TAFA1: variants seen among roughly 807,000 people sequenced by gnomAD.
The protein encoded by TAFA1 is chemokine-like protein TAFA-1.
Under a neutral mutation model 18.5 loss-of-function variants are expected in TAFA1, and 4 were observed. The observed-to-expected ratio is 0.22, with a 90% CI of 0.11 to 0.49. The LOEUF (loss-of-function observed/expected upper bound fraction) is 0.49. Among genes scored for constraint, TAFA1 ranks in the 20% least tolerant of loss-of-function variants. The probability of loss-of-function intolerance (pLI) is 0.98; values close to 1 mark genes in which losing one functional copy is unlikely to be tolerated. For missense variants in TAFA1, 147 were observed against 169.0 expected (o/e 0.87, Z 0.72); for synonymous variants, 56 against 55.2 (o/e 1.01, Z -0.06).
chr3:68,325,809 C>A (rs72626977), intron 2 of TAFA1, among the ~76,000 whole-genome samples: 3,661 of 152,196 alleles, frequency 0.024, 69 homozygotes, highest in East Asian at 0.098. Flanking sequence ...CTGTAAGAAT[C>A]CCAGAGGCTC....
intron 2 of TAFA1, among the ~76,000 whole-genome samples, chr3:68,341,184 A>T (rs2069075926): frequency 6.6e-6 from 1 of 152,294 alleles, no homozygotes; most frequent in African/African-American, 2.4e-5. Flanking sequence ...TACTCAAATC[A>T]GTCTCTCCAA....
chr3:68,345,820 T>C (rs1393187262), intron 2 of TAFA1, among the ~76,000 whole-genome samples: 1 of 152,132 alleles, frequency 6.6e-6, no homozygotes, highest in East Asian at 1.9e-4. Context: ...TTTTTTGAGA[T>C]GGGGATAGGA....
intron 2 of TAFA1, among the ~76,000 whole-genome samples, chr3:68,314,108 T>C (rs2068566060): frequency 6.6e-6 from 1 of 152,170 alleles, no homozygotes; most frequent in Admixed American, 6.5e-5. Context: ...TGGCTAGGCT[T>C]TAGGATTTTG....
chr3:68,319,675 A>G (rs2068666388), intron 2 of TAFA1, among the ~76,000 whole-genome samples: 2 of 152,194 alleles, frequency 1.3e-5, no homozygotes, highest in Non-Finnish European at 2.9e-5. Flanking sequence ...TCCTTTAGGT[A>G]AAATCACTTT....
chr3:68,286,058 A>C (rs2107266187), intron 2 of TAFA1, among the ~76,000 whole-genome samples: 1 of 152,048 alleles, frequency 6.6e-6, no homozygotes, highest in Admixed American at 6.6e-5. Flanking sequence ...TAAAAATACA[A>C]AAATTAGCTG....
At chr3:68,323,165 G>A (rs1002860165) in intron 2 of TAFA1, among the ~76,000 whole-genome samples, 6 of 152,148 alleles carry the variant, frequency 3.9e-5, no homozygotes, top group African/African-American at 1.2e-4. Flanking sequence ...ACTGGCTTTG[G>A]TATGACCAGG....
chr3:68,167,281 A>G (rs1251530583), intron 2 of TAFA1, among the ~76,000 whole-genome samples: 2 of 152,232 alleles, frequency 1.3e-5, no homozygotes, highest in Non-Finnish European at 2.9e-5. Context: ...ATCACTGCAT[A>G]AAAGTTAAAA....
intron 2 of TAFA1, among the ~76,000 whole-genome samples, chr3:68,301,086 C>A (rs1298328057): frequency 6.6e-6 from 1 of 152,148 alleles, no homozygotes; most frequent in Non-Finnish European, 1.5e-5. Context: ...GTAATACATT[C>A]ACATGGTTTT....
intron 2 of TAFA1, among the ~76,000 whole-genome samples, chr3:68,286,712 G>A (rs1300989351): frequency 6.6e-6 from 1 of 152,288 alleles, no homozygotes; most frequent in Admixed American, 6.5e-5. Flanking sequence ...ACATCTTCCC[G>A]AGGCTGTCCC....
At chr3:68,490,819 C>G (rs993898175) in intron 3 of TAFA1, among the ~76,000 whole-genome samples, 13 of 149,978 alleles carry the variant, frequency 8.7e-5, no homozygotes, top group African/African-American at 3.2e-4. Flanking sequence ...TTAGAATCCT[C>G]TACAATTTTT....
At chr3:68,478,137 T>G (rs1170039390) in intron 3 of TAFA1, among the ~76,000 whole-genome samples, 1 of 152,198 alleles carries the variant, frequency 6.6e-6, no homozygotes, top group East Asian at 1.9e-4. Context: ...ATTCCTGAAT[T>G]CTCATAGGTA....
In TAFA1 at chr3:68,405,331, C is replaced by A. The variant is rs76550939; in HGVS notation, c.119-11949C>A. The stretch of plus-strand genomic sequence containing the variant: ...ATAAATGTTATAAAGAAACATAGAA[C>A]AAAAATGAATAAAGAGGTAGGAGTA... On this transcript the variant is annotated intron_variant, in intron 2 of 4. Coordinates refer to ENST00000478136, the MANE Select transcript of TAFA1 (RefSeq NM_213609.4). Among the ~76,000 whole-genome samples, 1,034 of 151,826 alleles carry A rather than the reference C, an allele frequency of 6.8e-3. 10 individuals carry two copies. The highest frequency in any genetic ancestry group is 0.024 in the African/African-American group (976 of 41,428).
chr3:68,279,584 G>A (rs1559596808), intron 2 of TAFA1, among the ~76,000 whole-genome samples: 1 of 152,026 alleles, frequency 6.6e-6, no homozygotes, highest in Non-Finnish European at 1.5e-5. Flanking sequence ...GGAAGTCAGG[G>A]CAGAAAACCT....
chr3:68,233,927 G>GA (rs1290942707), intron 2 of TAFA1, among the ~76,000 whole-genome samples: 12 of 151,964 alleles, frequency 7.9e-5, no homozygotes, highest in African/African-American at 2.9e-4. Context: ...TTACTGACAA[G>GA]AAAAAATGAG....
At chr3:68,494,596 C>G (rs573723517) in intron 3 of TAFA1, among the ~76,000 whole-genome samples, 18 of 152,218 alleles carry the variant, frequency 1.2e-4, no homozygotes, top group Middle Eastern at 3.4e-3. Flanking sequence ...TGTGAAGACT[C>G]CAGTAGTCAT....
At chr3:68,382,467 T>G (rs546625710) in intron 2 of TAFA1, among the ~76,000 whole-genome samples, 19 of 152,064 alleles carry the variant, frequency 1.2e-4, no homozygotes, top group Non-Finnish European at 2.2e-4. Context: ...ACTATTTATT[T>G]AATAGGGAAT....
rs573513625 is a variant in TAFA1, at chr3:68,082,089, G to A, written c.118+75345G>A. Among the ~76,000 whole-genome samples the A allele has an allele frequency of 2.9e-3, 445 of 152,274 alleles. 1 individual carries two copies. Among genetic ancestry groups the A allele is most frequent in the African/African-American group, 0.01 (432 of 41,550 alleles). ...TGACCCAATTTTCCAGTTGCCGTCCGTCACCCCTTTCTTTGACTTGGAAAG... is the reference window on the plus strand; with the variant it reads ...TGACCCAATTTTCCAGTTGCCGTCCATCACCCCTTTCTTTGACTTGGAAAG... On this transcript the variant is annotated intron_variant, in intron 2 of 4. Transcript: ENST00000478136.
chr3:68,423,093 T>A (rs1413642131), intron 3 of TAFA1, among the ~76,000 whole-genome samples: 1 of 152,094 alleles, frequency 6.6e-6, no homozygotes, highest in Non-Finnish European at 1.5e-5. Flanking sequence ...CTTATGAAGT[T>A]ACGTTCTATG....
chr3:68,393,645 C>T (rs948487085), intron 2 of TAFA1, among the ~76,000 whole-genome samples: 1 of 152,162 alleles, frequency 6.6e-6, no homozygotes, highest in Non-Finnish European at 1.5e-5. Flanking sequence ...TCCATCAGCA[C>T]ATTAAGAAGC....
Sources: gnomAD v4.1 joint callset for allele counts (sites outside exome capture counted in the v4.1 genomes callset) on GRCh38, gnomAD v4.1.1 for gene constraint, MANE v1.5 for transcripts, NCBI Gene and HGNC (gene_info 2026-07-23, HGNC 2026-07-21) for gene names.